Variants in DLGAP1 observed in about 807,000 individuals in gnomAD.
DLGAP1 encodes the protein DLG associated protein 1, also known as disks large-associated protein 1.
Under a neutral mutation model 90.8 loss-of-function variants are expected in DLGAP1, and 11 were observed. The observed-to-expected ratio is 0.12, with a 90% CI of 0.08 to 0.20. DLGAP1 has a LOEUF of 0.20. DLGAP1 is among the 10% of genes least tolerant of loss of function. The probability of loss-of-function intolerance (pLI) is 1.00; values close to 1 mark genes in which losing one functional copy is unlikely to be tolerated. For missense variants in DLGAP1, 1,050 were observed against 1,333.8 expected, an observed-to-expected ratio of 0.79 and a Z score of 3.31; for synonymous variants, 558 against 540.7, an observed-to-expected ratio of 1.03 and a Z score of -0.44.
At chr18:3,546,893 GA>G (rs2053061742) in intron 9 of DLGAP1, among the ~76,000 whole-genome samples, 2 of 150,294 alleles carry the variant, frequency 1.3e-5, no homozygotes, top group African/African-American at 5.0e-5. Context: ...GGAGTAAACA[GA>G]AAAACTATAC....
At chr18:3,502,347 G>C in intron 12 of DLGAP1, 146 bp downstream of exon 12, 6 of 1,441,570 alleles carry the variant, frequency 4.2e-6, no homozygotes, top group Non-Finnish European at 5.5e-6. Context: ...TGATTACTAT[G>C]TAAACATTGT....
At chr18:4,441,904 C>T (rs747046374) in intron 1 of DLGAP1, among the ~76,000 whole-genome samples, 3 of 152,196 alleles carry the variant, frequency 2.0e-5, no homozygotes, top group South Asian at 2.1e-4. Context: ...TAGAGCCTAG[C>T]GCTAACAGAC....
intron 9 of DLGAP1, among the ~76,000 whole-genome samples, chr18:3,551,599 CTTTTTCTTTCTTTCTTTCT>C (rs1420055871): frequency 1.1e-4 from 6 of 53,192 alleles, no homozygotes; most frequent in Admixed American, 4.2e-4. Context: ...CTTTCTTTTT[CTTTTTCTTTCTTTCTTTCT>C]TTTTCTTTCT....
At chr18:3,689,349 T>C (rs1598358432) in intron 7 of DLGAP1, among the ~76,000 whole-genome samples, 1 of 152,336 alleles carries the variant, frequency 6.6e-6, no homozygotes, top group South Asian at 2.1e-4. Flanking sequence ...CTCTCCTCTC[T>C]GTTTGACCGT....
At chr18:4,234,000 T>C (rs2078352484) in intron 1 of DLGAP1, among the ~76,000 whole-genome samples, 1 of 152,066 alleles carries the variant, frequency 6.6e-6, no homozygotes, top group Non-Finnish European at 1.5e-5. Flanking sequence ...AATATCTTAA[T>C]TTTCACTTCT....
intron 1 of DLGAP1, among the ~76,000 whole-genome samples, chr18:4,366,623 T>TA (rs535401321): frequency 6.6e-6 from 1 of 151,532 alleles, no homozygotes; most frequent in Non-Finnish European, 1.5e-5. Context: ...GGAGATAATT[T>TA]AAAAAAACGC....
Position 3,729,505 on chromosome 18 carries a change from AT to A in DLGAP1, c.1351-131del. ...GTTAGATTAAGCTCAAATGCATTTT[AT>A]TTCCTTTCTGTTACAGGCTATAATT... is the stretch of plus-strand genomic sequence containing the variant. On this transcript the variant is annotated intron_variant, in intron 6 of 12. Coordinates refer to ENST00000315677, the MANE Select transcript of DLGAP1 (RefSeq NM_004746.4). This position sits in a 1 kb window ranked among gnomAD's most constrained non-coding sequence, Gnocchi z 6.2. 7.9e-7 allele frequency: 1 copy of A among 1,273,702 alleles called. No individual in the cohort carries two copies. The highest frequency in any genetic ancestry group is 1.1e-6 in the Non-Finnish European group (1 of 934,924). The allele number at this position is 1,273,702 out of a possible 1,614,324, so 78.9% of individuals were successfully genotyped here. A position where few individuals can be genotyped will look rare whatever the true frequency, so the allele number is the denominator to read the frequency against.
At chr18:3,510,291 C>T (rs535211688) in intron 10 of DLGAP1, among the ~76,000 whole-genome samples, 2 of 152,254 alleles carry the variant, frequency 1.3e-5, no homozygotes, top group African/African-American at 2.4e-5. Context: ...AGGTTAAAAG[C>T]GTTAGTGTAT....
intron 4 of DLGAP1, among the ~76,000 whole-genome samples, chr18:3,831,660 T>C (rs771342991): frequency 1.3e-5 from 2 of 152,194 alleles, no homozygotes; most frequent in Non-Finnish European, 2.9e-5. Flanking sequence ...AGAATGTAAA[T>C]TACAGCTTAT....
At chr18:3,858,557 T>TAA (rs58340096) in intron 4 of DLGAP1, among the ~76,000 whole-genome samples, 17,349 of 151,146 alleles carry the variant, frequency 0.11, 1,091 homozygotes, top group Admixed American at 0.14. Flanking sequence ...TATATATATA[T>TAA]AAAACACCTG....
At chr18:4,202,116 T>C (rs898215517) in intron 1 of DLGAP1, among the ~76,000 whole-genome samples, 1 of 151,956 alleles carries the variant, frequency 6.6e-6, no homozygotes, top group Non-Finnish European at 1.5e-5. Flanking sequence ...CTGTGGTGTG[T>C]GCGTGTGTGT....
At chr18:3,787,404 C>T (rs976215300) in intron 5 of DLGAP1, among the ~76,000 whole-genome samples, 3 of 139,180 alleles carry the variant, frequency 2.2e-5, no homozygotes, top group South Asian at 4.7e-4. Flanking sequence ...TTGCTTGAAT[C>T]TGGGAGGCGG....
Position 3,814,290 on chromosome 18 carries a change from C to T in DLGAP1, c.958-17G>A, listed in dbSNP as rs2066982694. ...TTGTGGAACCTATTCAGATAGAAAA[C>T]AGATAAATCACTTTTTATAAAAGCC... On this transcript the variant is annotated splice_polypyrimidine_tract_variant and intron_variant, in intron 4 of 12. Transcript: ENST00000315677. 5 of 1,601,568 alleles carry T rather than the reference C, an allele frequency of 3.1e-6. No individual in the cohort carries two copies. Among genetic ancestry groups the T allele is most frequent in the Admixed American group, 3.4e-5 (2 of 59,498 alleles).
rs543266966 is a variant in DLGAP1, at chr18:4,121,070, C to T, written c.-159+30110G>A. 6.6e-5 allele frequency among the ~76,000 whole-genome samples: 10 copies of T among 152,214 alleles called. No homozygotes were observed. The South Asian group carries it at 1.9e-3, about 28-fold the overall frequency. On this transcript the variant is annotated intron_variant, in intron 2 of 12. Coordinates refer to ENST00000315677, the MANE Select transcript of DLGAP1 (RefSeq NM_004746.4). ...GTTAGGCAAGACGGACACTGGTTCA[C>T]GTGACAGAACTTGTCTAGAGTGGGG...
At chr18:3,620,752 T>C (rs1045085499) in intron 7 of DLGAP1, among the ~76,000 whole-genome samples, 1 of 152,020 alleles carries the variant, frequency 6.6e-6, no homozygotes, top group African/African-American at 2.4e-5. Flanking sequence ...CAGACGGGGT[T>C]TCACCACGTT....
In DLGAP1 at chr18:3,879,174, T is replaced by C. The variant is rs140041320; in HGVS notation, c.895A>G (p.Met299Val). ...TCGGACTTCACCATGGCCTGGTCCATGTTCACCGAGGCCTTCTGGTAAACC... is the reference window on the plus strand; with the variant it reads ...TCGGACTTCACCATGGCCTGGTCCACGTTCACCGAGGCCTTCTGGTAAACC... ...REVYQKASVN[M>V]DQAMVKSESC... Residue 299 changes from methionine (M) to valine (V), a missense_variant, in exon 4 of 13, where the codon ATG becomes GTG. Physicochemically the swap from Met to Val is conservative, Grantham distance 21. Coordinates refer to ENST00000315677, the MANE Select transcript of DLGAP1 (RefSeq NM_004746.4). The surrounding 1 kb of genome is among the most constrained non-coding windows in gnomAD (Gnocchi z 6.6). 9.2e-6 allele frequency: 14 copies of C among 1,522,474 alleles called. No homozygotes were observed. In the Middle Eastern group the frequency reaches 1.1e-3, roughly 116 times the overall value. The allele number at this position is 1,522,474 out of a possible 1,614,324, so 94.3% of individuals were successfully genotyped here.
At chr18:4,409,691 G>A (rs1233177929) in intron 1 of DLGAP1, among the ~76,000 whole-genome samples, 1 of 151,946 alleles carries the variant, frequency 6.6e-6, no homozygotes, top group Non-Finnish European at 1.5e-5. Flanking sequence ...ATTTTTTCAT[G>A]TTTGTTGGCG....
At chr18:4,109,545 A>AT (rs60087190) in intron 2 of DLGAP1, among the ~76,000 whole-genome samples, 9,567 of 151,790 alleles carry the variant, frequency 0.063, 1,035 homozygotes, top group African/African-American at 0.22. Context: ...GGAGACCTGT[A>AT]TTTTTTTTCA....
intron 1 of DLGAP1, among the ~76,000 whole-genome samples, chr18:4,203,431 G>A (rs548708202): frequency 5.5e-4 from 83 of 152,182 alleles, no homozygotes; most frequent in African/African-American, 1.9e-3. Context: ...GGGTAGAATC[G>A]AGTTCCATTT....
Sources: allele counts gnomAD v4.1 joint callset (sites outside exome capture counted in the v4.1 genomes callset), GRCh38; gene constraint gnomAD v4.1.1; non-coding constraint Gnocchi (gnomAD v3.1); transcripts MANE v1.5; gene names NCBI Gene and HGNC (gene_info 2026-07-23, HGNC 2026-07-21).